Variants in CCDC144A observed in about 807,000 individuals in gnomAD.
CCDC144A encodes the protein coiled-coil domain-containing protein 144A.
Under a neutral mutation model 143.8 loss-of-function variants are expected in CCDC144A, and 41 were observed. That is an observed-to-expected ratio of 0.29 (90% CI 0.22 to 0.37). CCDC144A has a LOEUF of 0.37. Among genes scored for constraint, CCDC144A ranks in the 10% least tolerant of loss-of-function variants. CCDC144A has a pLI of 1.00. For synonymous variants in CCDC144A, 242 were observed against 517.9 expected (o/e 0.47, Z 7.23); for missense variants, 637 against 1,488.8 (o/e 0.43, Z 9.41).
the CCDC144A span, among the ~76,000 whole-genome samples, chr17:16,671,903 TA>T: frequency 6.6e-6 from 1 of 152,056 alleles, no homozygotes; most frequent in African/African-American, 2.4e-5. Flanking sequence ...TGCCCTTTAT[TA>T]GGATATATGC....
intron 12 of CCDC144A, among the ~76,000 whole-genome samples, chr17:16,743,521 T>A (rs2143283990): frequency 6.6e-6 from 1 of 152,068 alleles, no homozygotes; most frequent in Non-Finnish European, 1.5e-5. Flanking sequence ...TCAGGTGGAG[T>A]GATGCCTCCA....
At position 16,753,430 on chromosome 17, in the gene CCDC144A, T is replaced by TTTTTGTTGTTGTTGTTG. The variant is rs1597585025; in HGVS notation, c.3373-7991_3373-7990insGTTGTTGTTGTTGTTTT. 4.8e-4 allele frequency among the ~76,000 whole-genome samples: 32 copies of TTTTTGTTGTTGTTGTTG among 66,938 alleles called. No homozygotes were observed. The Middle Eastern group carries it at 0.02, about 41-fold the overall frequency. The allele number at this position is 66,938 out of a possible 152,430, so 43.9% of individuals were successfully genotyped here. A position where few individuals can be genotyped will look rare whatever the true frequency, so the allele number is the denominator to read the frequency against. ...ATTTCTTTTGTCAGTGTTTTGTAGT[T>TTTTTGTTGTTGTTGTTG]TTTTTTTTTTTTTTTTTTTTTTTTT... On this transcript the variant is annotated intron_variant, in intron 12 of 16. Coordinates refer to ENST00000399273, the MANE Select transcript of CCDC144A (RefSeq NM_001382000.1).
intron 5 of CCDC144A, among the ~76,000 whole-genome samples, chr17:16,711,153 A>AAAAAAC (rs1459554734): frequency 7.2e-6 from 1 of 138,926 alleles, no homozygotes; most frequent in Non-Finnish European, 1.6e-5. Flanking sequence ...AAAAAAAAAA[A>AAAAAAC]AAAAACAAAA....
At chr17:16,724,141 T>A (rs1484862323) in intron 8 of CCDC144A, among the ~76,000 whole-genome samples, 1 of 152,146 alleles carries the variant, frequency 6.6e-6, no homozygotes, top group Non-Finnish European at 1.5e-5. Flanking sequence ...AATATTTGAA[T>A]ATTTTGATGA....
At chr17:16,730,609 T>TA (rs1489338232) in intron 9 of CCDC144A, among the ~76,000 whole-genome samples, 1 of 120,094 alleles carries the variant, frequency 8.3e-6, no homozygotes, top group Non-Finnish European at 1.6e-5. Flanking sequence ...TTGATTCTTC[T>TA]AATCTATGAA....
chr17:16,682,883 G>GTTTTTTTTTTTTTTTTTTTTTTTT, the CCDC144A span, among the ~76,000 whole-genome samples: 2 of 46,456 alleles, frequency 4.3e-5, no homozygotes, highest in African/African-American at 5.8e-5. Context: ...TGGATTCTCT[G>GTTTTTTTTTTTTTTTTTTTTTTTT]TTTTTTTTTT....
chr17:16,686,666 G>T (rs532373087), upstream of CCDC144A, among the ~76,000 whole-genome samples: 82 of 149,804 alleles, frequency 5.5e-4, no homozygotes, highest in African/African-American at 1.8e-3. Context: ...TTTTTTTTTT[G>T]AGAGAGCATC....
At chr17:16,678,239 C>CT in the CCDC144A span, among the ~76,000 whole-genome samples, 6 of 151,998 alleles carry the variant, frequency 3.9e-5, no homozygotes, top group Middle Eastern at 3.2e-3. Context: ...AGCCATCCGA[C>CT]TTAGGGGCCT....
the CCDC144A span, among the ~76,000 whole-genome samples, chr17:16,672,694 G>T: frequency 1.3e-5 from 2 of 152,048 alleles, no homozygotes; most frequent in African/African-American, 4.8e-5. Context: ...TTATGAGATG[G>T]TTTCCTCAGT....
chr17:16,772,574 T>TA (rs1260219503), intron 16 of CCDC144A: 1 of 771,056 alleles, frequency 1.3e-6, no homozygotes, highest in Non-Finnish European at 2.3e-6. Context: ...TCTCACCACT[T>TA]ACTTTACTCT....
chr17:16,678,455 A>C, the CCDC144A span, among the ~76,000 whole-genome samples: 1 of 152,100 alleles, frequency 6.6e-6, no homozygotes, highest in Non-Finnish European at 1.5e-5. Flanking sequence ...TTTTAACACA[A>C]GTCCCTGAGT....
chr17:16,667,260 C>T, the CCDC144A span: 1 of 204,076 alleles, frequency 4.9e-6, no homozygotes, highest in Admixed American at 6.1e-5. Context: ...GCGGCTGAGG[C>T]GGCTGAGGCG....
intron 2 of CCDC144A, among the ~76,000 whole-genome samples, chr17:16,704,354 C>T (rs1363938804): frequency 6.6e-6 from 1 of 152,054 alleles, no homozygotes; most frequent in Non-Finnish European, 1.5e-5. Flanking sequence ...ACTCAGGAGG[C>T]TGAGGCAGGA....
chr17:16,693,319 T>C (rs1459374760), intron 2 of CCDC144A, among the ~76,000 whole-genome samples: 1 of 145,284 alleles, frequency 6.9e-6, no homozygotes, highest in Non-Finnish European at 1.5e-5. Flanking sequence ...AAAAAGTGTT[T>C]TTTTTTGTTT....
At chr17:16,732,728 T>C in intron 11 of CCDC144A, 62 bp downstream of exon 11, 1 of 1,147,986 alleles carries the variant, frequency 8.7e-7, no homozygotes. Flanking sequence ...AAAAAACAAC[T>C]CTGTGCAACT....
chr17:16,676,158 T>G, the CCDC144A span, among the ~76,000 whole-genome samples: 1 of 152,014 alleles, frequency 6.6e-6, no homozygotes, highest in African/African-American at 2.4e-5. Context: ...ATGATAAAGC[T>G]TAAATTCATA....
chr17:16,776,759 G>A lies in CCDC144A; in HGVS notation c.*3126G>A, dbSNP rs2143431650. The A allele has an allele frequency of 6.6e-6, 1 of 152,138 alleles. No individual in the cohort carries two copies. The highest frequency in any genetic ancestry group is 2.4e-5 in the African/African-American group (1 of 41,474). The allele number at this position is 152,138 out of a possible 1,614,324, so 9.4% of individuals were successfully genotyped here. A position where few individuals can be genotyped will look rare whatever the true frequency, so the allele number is the denominator to read the frequency against. ...TGTGTTGAATAGGAGTGGTGAGAGAGGGCATCTTTGTCTTGTGTCAGTTTT... is the reference window on the plus strand; with the variant it reads ...TGTGTTGAATAGGAGTGGTGAGAGAAGGCATCTTTGTCTTGTGTCAGTTTT... On this transcript the variant is annotated 3_prime_UTR_variant, in exon 17 of 17. Transcript: ENST00000399273.
chr17:16,672,880 A>T, the CCDC144A span, among the ~76,000 whole-genome samples: 28 of 152,134 alleles, frequency 1.8e-4, 1 homozygote, highest in Admixed American at 9.2e-4. Flanking sequence ...TAGAAGGCCT[A>T]GAAGGATGCT....
At position 16,761,750 on chromosome 17, in the gene CCDC144A, T is replaced by G. The variant is rs1915386541; in HGVS notation, c.3666+32T>G. 5 of 1,583,010 alleles carry G rather than the reference T, an allele frequency of 3.2e-6. No homozygotes were observed. In the South Asian group the frequency reaches 4.6e-5, roughly 15 times the overall value. On this transcript the variant is annotated intron_variant, in intron 13 of 16. Transcript: ENST00000399273. ...TTATTTATCTGTAATGTGCTTTCAT[T>G]CATTTCGCTGCAAATTTTATTTTGG...
Sources: gnomAD v4.1 joint callset for allele counts (sites outside exome capture counted in the v4.1 genomes callset) on GRCh38, gnomAD v4.1.1 for gene constraint, MANE v1.5 for transcripts, NCBI Gene and HGNC (gene_info 2026-07-23, HGNC 2026-07-21) for gene names.